The following HSD3B7 variants were observed in gnomAD, a reference collection of about 807,000 sequenced individuals.
HSD3B7 encodes 3 beta-hydroxysteroid dehydrogenase type 7.
HSD3B7 carries 35 observed loss-of-function variants against 34.3 expected under a neutral mutation model. The observed-to-expected ratio is 1.02, with a 90% confidence interval of 0.78 to 1.35. The LOEUF is 1.35. Among genes scored for constraint, HSD3B7 ranks in the 40% most tolerant of loss-of-function variants. HSD3B7 has a pLI of 0.00. For missense variants in HSD3B7, 426 were observed against 504.7 expected (o/e 0.84, Z 1.49); for synonymous variants, 217 against 220.1 (o/e 0.99, Z 0.13).
chr16:30,986,845 T>C lies in HSD3B7; in HGVS notation c.537T>C (p.Arg179=). The change falls in exon 6 of 7, where the codon CGT becomes CGC. Residue 179 remains arginine, a synonymous_variant. Transcript: ENST00000297679. ...GTACCTGCCTTTGCCACCAGGTCCG[T>C]GGGGGGCTGCCCCTGGTGACGTGTG... ...LVLEANGRKV[R]GGLPLVTCAL... is the part of the protein sequence containing the mutation. 2 of 1,613,922 alleles carry C rather than the reference T, an allele frequency of 1.2e-6. No individual in the cohort carries two copies. The highest frequency in any genetic ancestry group is 1.7e-6 in the Non-Finnish European group (2 of 1,180,020).
Position 30,988,134 on chromosome 16 carries a change from G to A in HSD3B7, c.1061G>A (p.Arg354Gln), listed in dbSNP as rs757174407. 1.8e-4 allele frequency: 290 copies of A among 1,606,332 alleles called. No individual in the cohort carries two copies. The highest frequency in any genetic ancestry group is 2.3e-4 in the Non-Finnish European group (270 of 1,178,656). Residue 354 changes from arginine (R) to glutamine (Q), a missense_variant, in exon 7 of 7, where the codon CGG (arginine) becomes CAG (glutamine). Arg to Gln is a conservative substitution (Grantham distance 43, BLOSUM62 1). Coordinates refer to ENST00000297679, the MANE Select transcript of HSD3B7 (RefSeq NM_025193.4). ...CCCCTGTTCTCGTGGGAGGATAGCC[G>A]GACCCGTACCATTCTCTGGGTACAG... ...YEPLFSWEDS[R>Q]TRTILWVQAA...
intron 2 of HSD3B7, 55 bp downstream of exon 2, chr16:30,985,879 C>G (rs764320092): frequency 1.1e-5 from 17 of 1,584,236 alleles, no homozygotes; most frequent in Non-Finnish European, 1.4e-5. Context: ...CCCAACCCTT[C>G]CCAAGCTGGG....
intron 6 of HSD3B7, 93 bp downstream of exon 6, chr16:30,987,095 T>C: frequency 2.2e-6 from 3 of 1,362,294 alleles, no homozygotes; most frequent in Non-Finnish European, 3.0e-6. Context: ...GGGAGAGAAG[T>C]GTGGACTCTG....
chr16:30,986,197 C>T lies in HSD3B7; in HGVS notation c.315C>T (p.Asn105=), dbSNP rs777907278. The change falls in exon 3 of 7, where the codon AAC becomes AAT. Residue 105 remains asparagine (N), a synonymous_variant. Coordinates refer to ENST00000297679, the MANE Select transcript of HSD3B7 (RefSeq NM_025193.4). The stretch of plus-strand genomic sequence containing the variant: ...GTCCCAAGACCATCCATGAGGTCAA[C>T]GTGCAGGGTGAGGAGCTCTGGACAC... The part of the protein sequence containing the change: ...RASPKTIHEV[N]VQGTRNVIEA... The T allele has an allele frequency of 2.6e-5, 42 of 1,613,930 alleles. No homozygotes were observed. The highest frequency in any genetic ancestry group is 3.1e-5 in the Non-Finnish European group (37 of 1,179,958).
rs760192112 is a variant in HSD3B7 at position 30,986,866 on chromosome 16, G to A, written c.558G>A (p.Thr186=). 36 of 1,613,872 alleles carry A rather than the reference G, an allele frequency of 2.2e-5. No homozygotes were observed. In the African/African-American group the frequency reaches 2.7e-4, roughly 12 times the overall value. The part of the protein sequence containing the change: ...RKVRGGLPLV[T]CALRPTGIYG... Reference sequence around the variant, plus strand: ...TCCGTGGGGGGCTGCCCCTGGTGACGTGTGCCCTTCGTCCCACGGGCATCT... The same window carrying A: ...TCCGTGGGGGGCTGCCCCTGGTGACATGTGCCCTTCGTCCCACGGGCATCT... Residue 186 remains threonine, a synonymous_variant, in exon 6 of 7, where the codon ACG becomes ACA. Coordinates refer to ENST00000297679, the MANE Select transcript of HSD3B7 (RefSeq NM_025193.4).
chr16:30,988,020 C>G lies in HSD3B7; in HGVS notation c.947C>G (p.Ala316Gly), dbSNP rs1192201038. The change falls in exon 7 of 7, where the codon GCA becomes GGA. Residue 316 changes from alanine (A) to glycine (G), a missense_variant. Ala to Gly is a moderately conservative substitution (Grantham distance 60). Coordinates refer to ENST00000297679, the MANE Select transcript of HSD3B7 (RefSeq NM_025193.4). ...CTGCTGCGGCCACTGGTGCTCTACG[C>G]ACCCCTGCTGAACCCCTACACGCTG... ...QWLLRPLVLY[A>G]PLLNPYTLAV... The G allele has an allele frequency of 4.4e-6, 7 of 1,608,206 alleles. No homozygotes were observed. Among genetic ancestry groups the G allele is most frequent in the Non-Finnish European group, 5.1e-6 (6 of 1,179,998 alleles).
In HSD3B7 at chr16:30,986,690, G is replaced by T. The variant is rs1360722111; in HGVS notation, c.517G>T (p.Ala173Ser). ...KALAEWLVLE[A>S]NGRKVRGGLP... ...CCTGGCCGAGTGGCTGGTCCTGGAGGCCAACGGGAGGAAGGTGAGCCCAGA... is the reference window on the plus strand; with the variant it reads ...CCTGGCCGAGTGGCTGGTCCTGGAGTCCAACGGGAGGAAGGTGAGCCCAGA... Residue 173 changes from alanine to serine, a missense_variant, in exon 5 of 7, where the codon GCC (alanine) becomes TCC (serine). Coordinates refer to ENST00000297679, the MANE Select transcript of HSD3B7 (RefSeq NM_025193.4). 2 of 1,614,086 alleles carry T rather than the reference G, an allele frequency of 1.2e-6. No homozygotes were observed. The highest frequency in any genetic ancestry group is 2.2e-5 in the South Asian group (2 of 91,092).
chr16:30,987,339 T>C (rs1339239387), intron 6 of HSD3B7: 3 of 420,584 alleles, frequency 7.1e-6, no homozygotes, highest in Admixed American at 3.8e-5. Flanking sequence ...CCCAGCACTT[T>C]AGGAGGCTGA....
In HSD3B7 at chr16:30,985,493, G is replaced by A. The variant is rs968997239; in HGVS notation, c.-6-160G>A. 3.3e-6 allele frequency: 5 copies of A among 1,502,250 alleles called. No homozygotes were observed. In the African/African-American group the frequency reaches 6.9e-5, roughly 21 times the overall value. The allele number at this position is 1,502,250 out of a possible 1,614,324, so 93.1% of individuals were successfully genotyped here. ...TCTCTCCGTAACTCAGCCATCAGCA[G>A]GGGCAGACGGCAGGTGGCCTGGTTG... On this transcript the variant is annotated intron_variant, in intron 1 of 6. Coordinates refer to ENST00000297679, the MANE Select transcript of HSD3B7 (RefSeq NM_025193.4).
At chr16:30,985,445 T>A in intron 1 of HSD3B7, 148 bp downstream of exon 1, 2 of 1,450,994 alleles carry the variant, frequency 1.4e-6, no homozygotes, top group Non-Finnish European at 1.8e-6. Flanking sequence ...CCCTGACCCC[T>A]TCCTGCACCC....
rs764664398 is a variant in HSD3B7 at position 30,985,237 on chromosome 16, C to A, written c.-67C>A. 1.3e-5 allele frequency: 15 copies of A among 1,122,162 alleles called. No homozygotes were observed. The highest frequency in any genetic ancestry group is 1.6e-5 in the African/African-American group (1 of 60,634). 69.5% of individuals were successfully genotyped at this position (1,122,162 alleles called of 1,614,324 possible). A position where few individuals can be genotyped will look rare whatever the true frequency, so the allele number is the denominator to read the frequency against. ...AAGGACGGTGTGCGGGCCGGCCAGC[C>A]CTGGACGAAAGAAGAGGGCCCCTCC... On this transcript the variant is annotated 5_prime_UTR_variant, in exon 1 of 7. Transcript: ENST00000297679.
intron 5 of HSD3B7, 30 bp from the exon 6 acceptor site, chr16:30,986,810 G>C: frequency 6.2e-7 from 1 of 1,613,866 alleles, no homozygotes; most frequent in Non-Finnish European, 8.5e-7. Flanking sequence ...TCGGGTCCCA[G>C]GTCTCAGCAG....
In HSD3B7 at chr16:30,986,099, G is replaced by A. The variant is rs778552132; in HGVS notation, c.217G>A (p.Val73Met). ...GGGGGACGTGACCCAGGCCCATGAG[G>A]TGGCAGCAGCTGTGGCCGGAGCCCA... ...IQGDVTQAHE[V>M]AAAVAGAHVV... The change falls in exon 3 of 7, where the codon GTG becomes ATG. Residue 73 changes from valine to methionine, a missense_variant. By Grantham distance (21) the Val-to-Met change is conservative (BLOSUM62 1). Coordinates refer to ENST00000297679, the MANE Select transcript of HSD3B7 (RefSeq NM_025193.4). 9.3e-6 allele frequency: 15 copies of A among 1,613,818 alleles called. No individual in the cohort carries two copies. The Admixed American group carries it at 1.2e-4, about 13-fold the overall frequency.
intron 6 of HSD3B7, 63 bp downstream of exon 6, chr16:30,987,065 G>A: frequency 6.5e-7 from 1 of 1,544,872 alleles, no homozygotes; most frequent in Non-Finnish European, 8.8e-7. Context: ...TCTAGAAGGG[G>A]GCAGGACCCA....
At chr16:30,987,119 G>A in intron 6 of HSD3B7, 117 bp downstream of exon 6, 3 of 1,116,166 alleles carry the variant, frequency 2.7e-6, no homozygotes, top group Non-Finnish European at 2.5e-6. Context: ...AGAAAAATAT[G>A]GTCTATACAT....
At chr16:30,986,742 T>C in intron 5 of HSD3B7, 38 bp downstream of exon 5, 1 of 1,610,556 alleles carries the variant, frequency 6.2e-7, no homozygotes, top group Non-Finnish European at 8.5e-7. Flanking sequence ...ATGGGGCTCC[T>C]GCCCTGCACA....
Position 30,985,775 on chromosome 16 carries a change from G to A in HSD3B7, c.117G>A (p.Leu39=), listed in dbSNP as rs1378941436. Residue 39 remains leucine, a synonymous_variant, in exon 2 of 7, where the codon CTG becomes CTA. Transcript: ENST00000297679. ...LLQREPRLGE[L]RVFDQHLGPW... ...AGCGGGAGCCCCGGCTCGGGGAGCT[G>A]CGGGTCTTTGACCAACACCTGGGTC... 6 of 1,603,198 alleles carry A rather than the reference G, an allele frequency of 3.7e-6. No individual in the cohort carries two copies. In the East Asian group the frequency reaches 1.1e-4, roughly 30 times the overall value.
chr16:30,987,737 G>A (rs1002688076), intron 6 of HSD3B7, 31 bp from the exon 7 acceptor site: 2 of 1,606,026 alleles, frequency 1.2e-6, no homozygotes, highest in African/African-American at 2.7e-5. Flanking sequence ...GGCACTCAGG[G>A]GTGTGTCCGC....
In HSD3B7 at chr16:30,985,663, C is replaced by T. The variant is rs767091598; in HGVS notation, c.5C>T (p.Ala2Val). 3 of 1,603,820 alleles carry T rather than the reference C, an allele frequency of 1.9e-6. No individual in the cohort carries two copies. The highest frequency in any genetic ancestry group is 1.7e-5 in the Admixed American group (1 of 59,516). The part of the protein sequence containing the change: M[A>V]DSAQAQKLVY... ...AGGTCTCTTCCCCAGCCAGGCATGG[C>T]CGACTCTGCACAGGCCCAGAAGCTG... Residue 2 changes from alanine to valine, a missense_variant, in exon 2 of 7, where the codon GCC (alanine) becomes GTC (valine). Physicochemically the swap from Ala to Val is moderately conservative, Grantham distance 64. Coordinates refer to ENST00000297679, the MANE Select transcript of HSD3B7 (RefSeq NM_025193.4).
Sources: gnomAD v4.1 joint callset for allele counts on GRCh38, gnomAD v4.1.1 for gene constraint, MANE v1.5 for transcripts, NCBI Gene and HGNC (gene_info 2026-07-23, HGNC 2026-07-21) for gene names.